Variants in ADK observed in about 807,000 individuals in gnomAD.
ADK encodes adenosine kinase, also known as N6,N6-dimethyladenosine kinase.
A neutral mutation model predicts 44.7 loss-of-function variants in ADK; 24 were observed. That is an observed-to-expected ratio of 0.54 (90% CI 0.39 to 0.76). The LOEUF (loss-of-function observed/expected upper bound fraction) is 0.76, where lower values mean the gene tolerates loss of function less well. Among genes scored for constraint, ADK ranks in the 30% least tolerant of loss-of-function variants. The pLI is 0.00. For synonymous variants in ADK, 128 were observed against 142.6 expected (o/e 0.90, Z 0.73); for missense variants, 321 against 425.1 (o/e 0.76, Z 2.15).
intron 6 of ADK, among the ~76,000 whole-genome samples, chr10:74,475,637 G>T (rs1846800952): frequency 6.6e-6 from 1 of 151,978 alleles, no homozygotes; most frequent in Non-Finnish European, 1.5e-5. Context: ...AGCCCAGGAG[G>T]TTGAGCCTGT....
intron 7 of ADK, among the ~76,000 whole-genome samples, chr10:74,542,040 A>G (rs560138592): frequency 1.3e-5 from 2 of 150,964 alleles, no homozygotes; most frequent in South Asian, 4.2e-4. Context: ...TAGGAGTTCA[A>G]GACCAGCCTG....
At chr10:74,293,184 A>G (rs1218572580) in intron 3 of ADK, among the ~76,000 whole-genome samples, 1 of 151,472 alleles carries the variant, frequency 6.6e-6, no homozygotes, top group East Asian at 1.9e-4. Context: ...AAAAAAAAAA[A>G]AAAAAAAAAG....
At chr10:74,581,063 T>A (rs2133894864) in intron 7 of ADK, among the ~76,000 whole-genome samples, 1 of 151,038 alleles carries the variant, frequency 6.6e-6, no homozygotes, top group Admixed American at 6.6e-5. Context: ...CACGTATATA[T>A]AACCATTCAT....
rs754526335 is a variant in ADK, at chr10:74,600,361, C to T, written c.763-18C>T. On this transcript the variant is annotated intron_variant, in intron 8 of 10. Coordinates refer to ENST00000539909, the MANE Select transcript of ADK (RefSeq NM_006721.4). ...ATTTTATTGGTCATGAGAATTTTTT[C>T]CTTCCTTCTATTAATAGACTAAAGA... The T allele has an allele frequency of 6.5e-7, 1 of 1,540,004 alleles. No individual in the cohort carries two copies. The highest frequency in any genetic ancestry group is 1.7e-5 in the Admixed American group (1 of 58,378).
chr10:74,496,417 G>A (rs1847689720), intron 6 of ADK, among the ~76,000 whole-genome samples: 2 of 152,182 alleles, frequency 1.3e-5, no homozygotes, highest in South Asian at 4.1e-4. Flanking sequence ...AAGATCAGAT[G>A]GTTTAATAAG....
At chr10:74,413,256 A>G (rs1844249674) in intron 6 of ADK, among the ~76,000 whole-genome samples, 1 of 152,122 alleles carries the variant, frequency 6.6e-6, no homozygotes, top group South Asian at 2.1e-4. Context: ...GAGTCGTCCT[A>G]TCCTTTGAAG....
chr10:74,374,121 A>T (rs1375802276), intron 4 of ADK, among the ~76,000 whole-genome samples: 1 of 152,110 alleles, frequency 6.6e-6, no homozygotes, highest in African/African-American at 2.4e-5. Context: ...TTTGCCTGGG[A>T]CTTGTGAAGA....
Position 74,164,076 on chromosome 10 carries a change from A to G in ADK, c.65+12733A>G, listed in dbSNP as rs1841971874. Among the ~76,000 whole-genome samples the G allele has an allele frequency of 2.6e-5, 4 of 152,202 alleles. No homozygotes were observed. In the South Asian group the frequency reaches 8.3e-4, roughly 32 times the overall value. On this transcript the variant is annotated intron_variant, in intron 1 of 10. Coordinates refer to ENST00000539909, the MANE Select transcript of ADK (RefSeq NM_006721.4). The stretch of plus-strand genomic sequence containing the variant: ...ATTATAAAACATTTTATCATAGGAT[A>G]GCATGTTGATGCATATAAAACATAG...
chr10:74,606,163 A>G (rs1222793731), intron 9 of ADK, among the ~76,000 whole-genome samples: 6 of 151,932 alleles, frequency 3.9e-5, no homozygotes, highest in Admixed American at 1.3e-4. Flanking sequence ...CTAGCAGTCT[A>G]TCTATTTTGT....
chr10:74,289,965 A>G (rs1198614976), intron 3 of ADK, among the ~76,000 whole-genome samples: 1 of 152,076 alleles, frequency 6.6e-6, no homozygotes. Flanking sequence ...TTCTCAAGAT[A>G]ATATTTTTAT....
At chr10:74,621,151 A>G (rs1852979575) in intron 9 of ADK, among the ~76,000 whole-genome samples, 2 of 152,174 alleles carry the variant, frequency 1.3e-5, no homozygotes, top group South Asian at 4.1e-4. Flanking sequence ...TCCCAGACCA[A>G]TGTCTTGAAG....
chr10:74,189,508 C>T lies in ADK; in HGVS notation c.66-11256C>T, dbSNP rs576848336. On this transcript the variant is annotated intron_variant, in intron 1 of 10. Transcript: ENST00000539909. The stretch of plus-strand genomic sequence containing the variant: ...TATTTTATGTATCTTTTATTAAATA[C>T]GGTGTATACTGCAGTTATTGAATTT... Among the ~76,000 whole-genome samples the T allele has an allele frequency of 1.0e-3, 158 of 152,090 alleles. 1 individual carries two copies. Among genetic ancestry groups the T allele is most frequent in the African/African-American group, 3.5e-3 (145 of 41,458 alleles).
chr10:74,263,248 C>T (rs7918573), intron 3 of ADK, among the ~76,000 whole-genome samples: 6,828 of 152,142 alleles, frequency 0.045, 536 homozygotes, highest in African/African-American at 0.16. Context: ...AAATAGAAAA[C>T]ATTTTTAGTG....
In ADK at chr10:74,562,871, T is replaced by A. The variant is rs542151614; in HGVS notation, c.727-26411T>A. Among the ~76,000 whole-genome samples, 191 of 152,324 alleles carry A rather than the reference T, an allele frequency of 1.3e-3. 1 individual carries two copies. Among genetic ancestry groups the A allele is most frequent in the African/African-American group, 4.3e-3 (179 of 41,560 alleles). On this transcript the variant is annotated intron_variant, in intron 7 of 10. Transcript: ENST00000539909. Reference sequence around the variant, plus strand: ...AACCAGGTTGAGGGTAAAATTAAATTTGGATTTTGTATTCAGTTTTACAAT... The same window carrying A: ...AACCAGGTTGAGGGTAAAATTAAATATGGATTTTGTATTCAGTTTTACAAT...
intron 6 of ADK, among the ~76,000 whole-genome samples, chr10:74,522,893 T>C (rs1025398333): frequency 6.6e-6 from 1 of 152,174 alleles, no homozygotes; most frequent in Non-Finnish European, 1.5e-5. Context: ...ATAGATCCTT[T>C]TCTTTGAAAA....
intron 6 of ADK, among the ~76,000 whole-genome samples, chr10:74,409,916 A>G (rs1274600352): frequency 1.3e-5 from 2 of 152,204 alleles, no homozygotes; most frequent in Non-Finnish European, 2.9e-5. Flanking sequence ...TACCTATGCC[A>G]TGAGTAACAA....
chr10:74,508,144 T>A (rs1848154404), intron 6 of ADK, among the ~76,000 whole-genome samples: 1 of 152,122 alleles, frequency 6.6e-6, no homozygotes, highest in African/African-American at 2.4e-5. Context: ...GTGTGAGGCA[T>A]TTGGATTCAA....
intron 4 of ADK, among the ~76,000 whole-genome samples, chr10:74,366,370 G>A (rs1242778174): frequency 6.6e-6 from 1 of 152,112 alleles, no homozygotes; most frequent in Non-Finnish European, 1.5e-5. Flanking sequence ...TGCCAATTAA[G>A]TAGCCTTCAT....
At chr10:74,490,461 T>A (rs1847435490) in intron 6 of ADK, among the ~76,000 whole-genome samples, 1 of 152,136 alleles carries the variant, frequency 6.6e-6, no homozygotes, top group Non-Finnish European at 1.5e-5. Flanking sequence ...TCTTTTTACA[T>A]TCTCTATATG....
Sources: gnomAD v4.1 joint callset for allele counts (sites outside exome capture counted in the v4.1 genomes callset) on GRCh38, gnomAD v4.1.1 for gene constraint, MANE v1.5 for transcripts, NCBI Gene and HGNC (gene_info 2026-07-23, HGNC 2026-07-21) for gene names.